DCK: variants seen among roughly 807,000 people sequenced by gnomAD.
DCK encodes the protein deoxycytidine kinase.
In DCK, 23 loss-of-function variants were observed where a neutral mutation model predicts 38.3. The ratio of observed to expected loss-of-function variants is 0.60; its 90% CI spans 0.43 to 0.85. The LOEUF (loss-of-function observed/expected upper bound fraction) is 0.85, where lower values mean the gene tolerates loss of function less well. Among genes scored for constraint, DCK ranks in the 40% least tolerant of loss-of-function variants. DCK has a pLI of 0.00. For missense variants in DCK, 259 were observed against 304.4 expected (o/e 0.85, Z 1.11); for synonymous variants, 108 against 100.6 (o/e 1.07, Z -0.44).
intron 3 of DCK, among the ~76,000 whole-genome samples, chr4:71,022,870 A>G (rs2148919147): frequency 6.6e-6 from 1 of 152,128 alleles, no homozygotes; most frequent in South Asian, 2.1e-4. Flanking sequence ...TTAAATCTGG[A>G]TCTATATCCT....
At chr4:71,009,688 C>T (rs564571029) in intron 2 of DCK, among the ~76,000 whole-genome samples, 3 of 152,104 alleles carry the variant, frequency 2.0e-5, no homozygotes, top group Admixed American at 6.5e-5. Flanking sequence ...GAGTTTGGTG[C>T]ACATTCTTGG....
intron 1 of DCK, among the ~76,000 whole-genome samples, chr4:70,997,650 C>T (rs1056958219): frequency 1.3e-5 from 2 of 152,134 alleles, no homozygotes; most frequent in Admixed American, 1.3e-4. Flanking sequence ...GGAAGCTTTG[C>T]TTGTAAGTAT....
intron 2 of DCK, among the ~76,000 whole-genome samples, chr4:71,015,781 C>T (rs974918531): frequency 2.6e-5 from 4 of 152,146 alleles, no homozygotes; most frequent in Non-Finnish European, 4.4e-5. Context: ...TGGGATGTAT[C>T]TCAAAATAAT....
At position 71,010,614 on chromosome 4, in the gene DCK, T is replaced by G. The variant is rs1740064420; in HGVS notation, c.208-11753T>G. On this transcript the variant is annotated intron_variant, in intron 2 of 6. Transcript: ENST00000286648. Reference sequence around the variant, plus strand: ...TTTACAGATAAAAATTATATTTAATTTTATATTATATTTATATATAAATCA... The same window carrying G: ...TTTACAGATAAAAATTATATTTAATGTTATATTATATTTATATATAAATCA... Among the ~76,000 whole-genome samples, 3 of 147,578 alleles carry G rather than the reference T, an allele frequency of 2.0e-5. No individual in the cohort carries two copies. The South Asian group carries it at 6.3e-4, about 31-fold the overall frequency.
At chr4:71,012,535 CCTCA>C (rs1740129324) in intron 2 of DCK, among the ~76,000 whole-genome samples, 2 of 152,202 alleles carry the variant, frequency 1.3e-5, no homozygotes, top group African/African-American at 4.8e-5. Flanking sequence ...GAGACTGACA[CCTCA>C]TACGGCTGGG....
At chr4:71,016,241 T>C (rs1025219948) in intron 2 of DCK, among the ~76,000 whole-genome samples, 5 of 152,172 alleles carry the variant, frequency 3.3e-5, no homozygotes, top group Non-Finnish European at 7.3e-5. Flanking sequence ...GTGAAGGACC[T>C]CTTCAAGGAG....
intron 2 of DCK, among the ~76,000 whole-genome samples, chr4:71,011,317 G>A (rs1740085427): frequency 7.0e-6 from 1 of 143,604 alleles, no homozygotes; most frequent in African/African-American, 2.6e-5. Context: ...AAGAATGCTT[G>A]ATAAAGCACT....
chr4:71,005,124 A>G (rs962930275), intron 2 of DCK, among the ~76,000 whole-genome samples: 2 of 152,150 alleles, frequency 1.3e-5, no homozygotes, highest in Admixed American at 1.3e-4. Flanking sequence ...ACCCGAGGGA[A>G]TCTCCTGGTC....
At chr4:71,026,610 C>T (rs1740552670) in intron 5 of DCK, 55 bp from the exon 6 acceptor site, 1 of 868,760 alleles carries the variant, frequency 1.2e-6, no homozygotes, top group Admixed American at 2.1e-5. Context: ...TTTAATGTTT[C>T]TCTCTTTTTT....
chr4:71,025,993 A>G, intron 5 of DCK, 62 bp downstream of exon 5: 1 of 1,447,340 alleles, frequency 6.9e-7, no homozygotes, highest in Non-Finnish European at 9.1e-7. Flanking sequence ...TTAAATTTTA[A>G]TCTAAAATTT....
chr4:71,005,047 G>GCTAA (rs1578420484), intron 2 of DCK, among the ~76,000 whole-genome samples: 1 of 152,160 alleles, frequency 6.6e-6, no homozygotes, highest in African/African-American at 2.4e-5. Context: ...AACTCCTGCA[G>GCTAA]CTAACTCCGT....
intron 1 of DCK, among the ~76,000 whole-genome samples, chr4:70,994,461 A>G (rs940550419): frequency 6.6e-6 from 1 of 152,186 alleles, no homozygotes; most frequent in Non-Finnish European, 1.5e-5. Flanking sequence ...CCAGAATGCC[A>G]TATAAATGGA....
At chr4:71,027,012 T>A (rs1740563242) in intron 6 of DCK, among the ~76,000 whole-genome samples, 1 of 151,918 alleles carries the variant, frequency 6.6e-6, no homozygotes, top group African/African-American at 2.4e-5. Context: ...AAAAATAAAA[T>A]AAGGATTTTT....
At chr4:71,022,317 C>T in intron 2 of DCK, 50 bp from the exon 3 acceptor site, 1 of 1,043,724 alleles carries the variant, frequency 9.6e-7, no homozygotes, top group Non-Finnish European at 1.4e-6. Flanking sequence ...TAAAATAGCC[C>T]TATTGACCAT....
At chr4:71,008,654 T>C (rs1233730568) in intron 2 of DCK, among the ~76,000 whole-genome samples, 1 of 152,094 alleles carries the variant, frequency 6.6e-6, no homozygotes, top group African/African-American at 2.4e-5. Context: ...TGTTGGAAAA[T>C]AGAGGGTATT....
At chr4:71,010,806 C>T (rs998413525) in intron 2 of DCK, among the ~76,000 whole-genome samples, 19 of 151,096 alleles carry the variant, frequency 1.3e-4, no homozygotes, top group African/African-American at 3.4e-4. Flanking sequence ...ACGCATTACC[C>T]GTACTATTTT....
intron 1 of DCK, 156 bp downstream of exon 1, chr4:70,994,082 A>G: frequency 1.5e-6 from 1 of 656,864 alleles, no homozygotes; most frequent in East Asian, 2.9e-5. Context: ...CACCCAGAGC[A>G]TCCTTCCCTT....
intron 3 of DCK, 112 bp from the exon 4 acceptor site, chr4:71,023,447 G>T: frequency 1.4e-6 from 1 of 693,580 alleles, no homozygotes; most frequent in Non-Finnish European, 2.3e-6. Context: ...TGCTTTCCAC[G>T]GCACTATGTG....
chr4:71,018,666 A>AT lies in DCK; in HGVS notation c.208-3679dup, dbSNP rs11315015. Among the ~76,000 whole-genome samples, 614 of 83,266 alleles carry AT rather than the reference A, an allele frequency of 7.4e-3. 8 individuals carry two copies. Among genetic ancestry groups the AT allele is most frequent in the African/African-American group, 0.025 (568 of 23,046 alleles). The allele number at this position is 83,266 out of a possible 152,430, so 54.6% of individuals were successfully genotyped here. A position where few individuals can be genotyped will look rare whatever the true frequency, so the allele number is the denominator to read the frequency against. On this transcript the variant is annotated intron_variant, in intron 2 of 6. Coordinates refer to ENST00000286648, the MANE Select transcript of DCK (RefSeq NM_000788.3). The stretch of plus-strand genomic sequence containing the variant: ...AAAGATGATGCACAGTATTTTTTAG[A>AT]TTTTTTTTTTTTTTTTTTTTTTGAG...
Sources: allele counts gnomAD v4.1 joint callset (sites outside exome capture counted in the v4.1 genomes callset), GRCh38; gene constraint gnomAD v4.1.1; transcripts MANE v1.5; gene names NCBI Gene and HGNC (gene_info 2026-07-23, HGNC 2026-07-21).